The following UBE2D4 variants were observed in gnomAD, a reference collection of about 807,000 sequenced individuals.
UBE2D4 encodes the protein ubiquitin-conjugating enzyme E2 D4.
In UBE2D4, 17 loss-of-function variants were observed where a neutral mutation model predicts 23.0. That is an observed-to-expected ratio of 0.74 (90% CI 0.51 to 1.11). UBE2D4 has a LOEUF of 1.11. UBE2D4 is among the 50% of genes least tolerant of loss of function. The pLI, the probability that UBE2D4 is intolerant of heterozygous loss-of-function variation, is 0.00. For synonymous variants in UBE2D4, 61 were observed against 69.4 expected, an observed-to-expected ratio of 0.88 and a Z score of 0.60; for missense variants, 139 against 181.8, an observed-to-expected ratio of 0.76 and a Z score of 1.35.
At chr7:43,928,445 G>C (rs896063969) in intron 1 of UBE2D4, among the ~76,000 whole-genome samples, 17 of 149,800 alleles carry the variant, frequency 1.1e-4, no homozygotes, top group Non-Finnish European at 2.2e-4. Context: ...TAAATAAATA[G>C]CTGTCCAAAA....
In UBE2D4 at chr7:43,952,672, T is replaced by TG; in HGVS notation, c.423dup (p.Thr142AspfsTer35). On this transcript the variant is annotated frameshift_variant, in exon 7 of 7. Transcript: ENST00000222402. LOFTEE classifies it high-confidence loss of function. ...CAGGTACAACAGACTAGCAAGAGAGTGGACACAAAAATATGCTATGTAAGT... is the reference window on the plus strand; with the variant it reads ...CAGGTACAACAGACTAGCAAGAGAGTGGGACACAAAAATATGCTATGTAAGT... The TG allele has an allele frequency of 1.2e-6, 2 of 1,613,790 alleles. No individual in the cohort carries two copies. Among genetic ancestry groups the TG allele is most frequent in the Non-Finnish European group, 1.7e-6 (2 of 1,179,826 alleles).
chr7:43,933,530 C>T (rs1300052383), intron 1 of UBE2D4, among the ~76,000 whole-genome samples: 1 of 152,080 alleles, frequency 6.6e-6, no homozygotes, highest in East Asian at 1.9e-4. Flanking sequence ...CGCTTGAGGT[C>T]AGGAGTTTGA....
intron 1 of UBE2D4, chr7:43,928,199 G>T (rs896061030): frequency 2.0e-5 from 6 of 302,230 alleles, no homozygotes; most frequent in Admixed American, 4.3e-5. Flanking sequence ...TTATTATTGT[G>T]GGGGGGCCAC....
intron 4 of UBE2D4, chr7:43,943,416 T>C (rs181093689): frequency 7.0e-6 from 2 of 286,316 alleles, no homozygotes; most frequent in African/African-American, 4.3e-5. Context: ...CATCTTAGGA[T>C]ATTTTGGGTT....
At chr7:43,948,952 A>T (rs929148061) in intron 5 of UBE2D4, 1 of 552,178 alleles carries the variant, frequency 1.8e-6, no homozygotes, top group Non-Finnish European at 3.3e-6. Context: ...TCAGCAGTCA[A>T]TTGCCCTGGT....
chr7:43,950,778 G>T, intron 6 of UBE2D4, 86 bp downstream of exon 6: 1 of 1,107,930 alleles, frequency 9.0e-7, no homozygotes, highest in Non-Finnish European at 1.4e-6. Context: ...GGTGCTTCTA[G>T]GCTGCAGGTT....
rs1282941872 is a variant in UBE2D4 at position 43,956,094 on chromosome 7, A to C, written c.*3399A>C. On this transcript the variant is annotated 3_prime_UTR_variant, in exon 7 of 7. Transcript: ENST00000222402. ...CTGATGACAGAGAAACTTTCTAAAA[A>C]AAAACAAAAACAAAAGCTATAAAAA... 6.6e-6 allele frequency: 1 copy of C among 152,240 alleles called. No homozygotes were observed. The highest frequency in any genetic ancestry group is 1.5e-5 in the Non-Finnish European group (1 of 68,044). 9.4% of individuals were successfully genotyped at this position (152,240 alleles called of 1,614,324 possible). A position where few individuals can be genotyped will look rare whatever the true frequency, so the allele number is the denominator to read the frequency against.
chr7:43,926,491 C>A lies in UBE2D4; in HGVS notation c.-42C>A. On this transcript the variant is annotated 5_prime_UTR_variant, in exon 1 of 7. Transcript: ENST00000222402. Reference sequence around the variant, plus strand: ...TGAGCCGGCAGCGGGCCGCCTCAGGCAGCCCCGGCCGGGCCGCCCGGGTCC... The same window carrying A: ...TGAGCCGGCAGCGGGCCGCCTCAGGAAGCCCCGGCCGGGCCGCCCGGGTCC... 6.8e-7 allele frequency: 1 copy of A among 1,472,070 alleles called. No individual in the cohort carries two copies. Among genetic ancestry groups the A allele is most frequent in the Non-Finnish European group, 9.0e-7 (1 of 1,107,446 alleles). 91.2% of individuals were successfully genotyped at this position (1,472,070 alleles called of 1,614,324 possible).
chr7:43,929,997 C>T (rs953996602), intron 1 of UBE2D4, among the ~76,000 whole-genome samples: 1 of 152,186 alleles, frequency 6.6e-6, no homozygotes, highest in African/African-American at 2.4e-5. Context: ...CTCAGTCCCC[C>T]TCTCCTGGTC....
chr7:43,948,860 A>G (rs755226263), intron 5 of UBE2D4, 123 bp downstream of exon 5: 2 of 737,202 alleles, frequency 2.7e-6, no homozygotes, highest in Non-Finnish European at 4.7e-6. Flanking sequence ...AGCCCTGTCC[A>G]CTGCTGTGCC....
At chr7:43,933,623 A>G (rs2095951974) in intron 1 of UBE2D4, among the ~76,000 whole-genome samples, 1 of 152,100 alleles carries the variant, frequency 6.6e-6, no homozygotes, top group South Asian at 2.1e-4. Flanking sequence ...TCCTGTAATC[A>G]GTCCCAGCTA....
At chr7:43,933,440 GT>G (rs1371284829) in intron 1 of UBE2D4, among the ~76,000 whole-genome samples, 3 of 152,098 alleles carry the variant, frequency 2.0e-5, no homozygotes, top group Non-Finnish European at 4.4e-5. Flanking sequence ...GGTAGTAATT[GT>G]TCTTTAAAGA....
intron 6 of UBE2D4, 89 bp from the exon 7 acceptor site, chr7:43,952,561 T>G: frequency 8.6e-7 from 1 of 1,157,450 alleles, no homozygotes. Flanking sequence ...GCAGCAGCAT[T>G]CCCCACATCA....
intron 1 of UBE2D4, among the ~76,000 whole-genome samples, chr7:43,928,849 G>A (rs2095939216): frequency 6.6e-6 from 1 of 152,124 alleles, no homozygotes. Flanking sequence ...AAGGAATAAA[G>A]GTTTGAGCCT....
intron 4 of UBE2D4, chr7:43,943,429 C>G: frequency 3.7e-6 from 1 of 267,100 alleles, no homozygotes; most frequent in East Asian, 8.7e-5. Flanking sequence ...TTTGGGTTAT[C>G]AAAACCGTGG....
Position 43,952,711 on chromosome 7 carries a change from T to C in UBE2D4, c.*16T>C, listed in dbSNP as rs377215582. 14 of 1,608,234 alleles carry C rather than the reference T, an allele frequency of 8.7e-6. No homozygotes were observed. In the African/African-American group the frequency reaches 1.6e-4, roughly 18 times the overall value. On this transcript the variant is annotated 3_prime_UTR_variant, in exon 7 of 7. Coordinates refer to ENST00000222402, the MANE Select transcript of UBE2D4 (RefSeq NM_015983.4). ...TGCTATGTAAGTGCCTTGGAGGTTT[T>C]ACATGAGACACTGTCCAAGAGAAGC...
intron 1 of UBE2D4, among the ~76,000 whole-genome samples, chr7:43,931,381 T>C (rs140789612): frequency 0.014 from 2,073 of 151,712 alleles, 40 homozygotes; most frequent in Non-Finnish European, 0.019. Flanking sequence ...GAGGTGGAGG[T>C]TGCAGTGAGC....
intron 1 of UBE2D4, among the ~76,000 whole-genome samples, chr7:43,934,624 C>A (rs564131134): frequency 6.9e-6 from 1 of 145,784 alleles, no homozygotes; most frequent in South Asian, 2.3e-4. Flanking sequence ...CTCCACCTCC[C>A]GGGCTAAAGC....
chr7:43,948,722 T>C lies in UBE2D4; in HGVS notation c.289T>C (p.Leu97=), dbSNP rs753040912. ...CCTGCGGTCTCAGTGGTCTCCAGCG[T>C]TGACTGTGTCAAAAGGTAGAGATGC... ...DILRSQWSPA[L]TVSKVLLSIC... Residue 97 remains leucine (L), a synonymous_variant, in exon 5 of 7, where the codon TTG becomes CTG. Coordinates refer to ENST00000222402, the MANE Select transcript of UBE2D4 (RefSeq NM_015983.4). 8 of 1,613,110 alleles carry C rather than the reference T, an allele frequency of 5.0e-6. No individual in the cohort carries two copies. The highest frequency in any genetic ancestry group is 8.5e-7 in the Non-Finnish European group (1 of 1,179,370).
Sources: gnomAD v4.1 joint callset for allele counts (sites outside exome capture counted in the v4.1 genomes callset) on GRCh38, gnomAD v4.1.1 for gene constraint, MANE v1.5 for transcripts, NCBI Gene and HGNC (gene_info 2026-07-23, HGNC 2026-07-21) for gene names.